VGLL3: variants seen among roughly 807,000 people sequenced by gnomAD.
The protein encoded by VGLL3 is transcription cofactor vestigial-like protein 3.
A neutral mutation model predicts 29.2 loss-of-function variants in VGLL3; 18 were observed. That is an observed-to-expected ratio of 0.62 (90% CI 0.43 to 0.91). VGLL3 has a LOEUF of 0.91. Ranked by LOEUF, VGLL3 falls within the 40% of genes least tolerant of loss-of-function variation. The pLI, the probability that VGLL3 is intolerant of heterozygous loss-of-function variation, is 0.00. For missense variants in VGLL3, 440 were observed against 413.2 expected (o/e 1.06, Z -0.56); for synonymous variants, 180 against 151.8 (o/e 1.19, Z -1.36).
At chr3:86,976,618 T>C (rs1280993662) in intron 2 of VGLL3, among the ~76,000 whole-genome samples, 3 of 152,238 alleles carry the variant, frequency 2.0e-5, no homozygotes, top group Admixed American at 2.0e-4. Context: ...CAGTTTAACA[T>C]CTGCTAAAGG....
At chr3:86,983,369 C>T (rs1188289731) in intron 1 of VGLL3, among the ~76,000 whole-genome samples, 1 of 152,038 alleles carries the variant, frequency 6.6e-6, no homozygotes, top group East Asian at 1.9e-4. Context: ...ACTCTGTGAC[C>T]ATATATATTT....
intron 3 of VGLL3, among the ~76,000 whole-genome samples, chr3:86,965,513 G>A (rs919760302): frequency 6.6e-6 from 1 of 152,158 alleles, no homozygotes; most frequent in African/African-American, 2.4e-5. Flanking sequence ...TTTAAAAGGA[G>A]TTGGAAAAGT....
intron 3 of VGLL3, among the ~76,000 whole-genome samples, chr3:86,957,489 C>A (rs912047576): frequency 6.6e-6 from 1 of 152,150 alleles, no homozygotes; most frequent in Admixed American, 6.6e-5. Flanking sequence ...TCATGTATCA[C>A]CGTCTAGAAA....
In VGLL3 at chr3:86,940,310, T is replaced by C. The variant is rs1237250814; in HGVS notation, c.*6714A>G. On this transcript the variant is annotated 3_prime_UTR_variant, in exon 4 of 4. Coordinates refer to ENST00000398399, the MANE Select transcript of VGLL3 (RefSeq NM_016206.4). ...ATGGCAGAGTCCCTGTCAACAAATG[T>C]AAAAACAATAAAATACACCTTGGTC... The C allele has an allele frequency of 1.3e-5, 2 of 152,578 alleles. No homozygotes were observed. Among genetic ancestry groups the C allele is most frequent in the Admixed American group, 1.3e-4 (2 of 15,278 alleles). The allele number at this position is 152,578 out of a possible 1,614,324, so 9.5% of individuals were successfully genotyped here.
At chr3:86,951,165 A>G (rs190774080) in intron 3 of VGLL3, among the ~76,000 whole-genome samples, 269 of 152,340 alleles carry the variant, frequency 1.8e-3, no homozygotes, top group Non-Finnish European at 3.2e-3. Flanking sequence ...GTAAGTGAGA[A>G]GTCTTGGTCA....
intron 3 of VGLL3, among the ~76,000 whole-genome samples, chr3:86,966,769 GTGTGTATA>G (rs1390008002): frequency 7.6e-5 from 5 of 65,808 alleles, no homozygotes; most frequent in African/African-American, 2.7e-4. Flanking sequence ...AATAGTGTGT[GTGTGTATA>G]TATATATATA....
intron 1 of VGLL3, among the ~76,000 whole-genome samples, chr3:86,985,529 C>A (rs56781488): frequency 0.088 from 13,313 of 152,144 alleles, 1,576 homozygotes; most frequent in African/African-American, 0.27. Flanking sequence ...AAATTACTGG[C>A]GTAAATCTGG....
At position 86,967,026 on chromosome 3, in the gene VGLL3, G is replaced by A. The variant is rs1704980023; in HGVS notation, c.937+1564C>T. Among the ~76,000 whole-genome samples, 3 of 151,636 alleles carry A rather than the reference G, an allele frequency of 2.0e-5. No individual in the cohort carries two copies. In the South Asian group the frequency reaches 6.2e-4, roughly 32 times the overall value. ...ATTTCAAGCTGAAATTCTGTAACAA[G>A]TGAGTGAATCAAGCTCACACCAAAG... On this transcript the variant is annotated intron_variant, in intron 3 of 3. Coordinates refer to ENST00000398399, the MANE Select transcript of VGLL3 (RefSeq NM_016206.4).
rs1290308604 is a variant in VGLL3, at chr3:86,939,095, CA to C, written c.*7928del. The C allele has an allele frequency of 6.6e-6, 1 of 152,172 alleles. No homozygotes were observed. Among genetic ancestry groups the C allele is most frequent in the African/African-American group, 2.4e-5 (1 of 41,426 alleles). The allele number at this position is 152,172 out of a possible 1,614,324, so 9.4% of individuals were successfully genotyped here. On this transcript the variant is annotated 3_prime_UTR_variant, in exon 4 of 4. Coordinates refer to ENST00000398399, the MANE Select transcript of VGLL3 (RefSeq NM_016206.4). The stretch of plus-strand genomic sequence containing the variant: ...CTACATGAAACATTTGAAATAGTGA[CA>C]GGAATTTTCTTTACATGCAATTATT...
rs1202561149 is a variant in VGLL3 at position 86,941,640 on chromosome 3, C to A, written c.*5384G>T. On this transcript the variant is annotated 3_prime_UTR_variant, in exon 4 of 4. Coordinates refer to ENST00000398399, the MANE Select transcript of VGLL3 (RefSeq NM_016206.4). ...AACTTCAAGAGAATACTACTTTGAC[C>A]AATACTTTAAAACTATAAAAGTATT... 1 of 151,376 alleles carries A rather than the reference C, an allele frequency of 6.6e-6. No individual in the cohort carries two copies. The highest frequency in any genetic ancestry group is 1.5e-5 in the Non-Finnish European group (1 of 67,820). The allele number at this position is 151,376 out of a possible 1,614,324, so 9.4% of individuals were successfully genotyped here.
At chr3:86,963,104 A>G in intron 3 of VGLL3, 1 of 172,872 alleles carries the variant, frequency 5.8e-6, no homozygotes, top group Non-Finnish European at 1.3e-5. Context: ...TCAAAACAAA[A>G]CAAAACAAAA....
intron 3 of VGLL3, among the ~76,000 whole-genome samples, chr3:86,955,242 T>C (rs950019877): frequency 6.6e-6 from 1 of 152,236 alleles, no homozygotes; most frequent in African/African-American, 2.4e-5. Flanking sequence ...ACTTGCATTT[T>C]AATGCCTATT....
At chr3:86,964,370 C>G (rs1704916905) in intron 3 of VGLL3, among the ~76,000 whole-genome samples, 1 of 152,188 alleles carries the variant, frequency 6.6e-6, no homozygotes, top group Non-Finnish European at 1.5e-5. Flanking sequence ...TATTATAAAA[C>G]TTTCGTTTGT....
rs1401063627 is a variant in VGLL3, at chr3:86,945,593, C to G, written c.*1431G>C. ...TTTCATAATCTTAATCTTCTCCTAG[C>G]AGTGTCTTAATGATAATTTAAACTT... On this transcript the variant is annotated 3_prime_UTR_variant, in exon 4 of 4. Coordinates refer to ENST00000398399, the MANE Select transcript of VGLL3 (RefSeq NM_016206.4). The G allele has an allele frequency of 6.6e-6, 1 of 152,118 alleles. No homozygotes were observed. The highest frequency in any genetic ancestry group is 1.9e-4 in the East Asian group (1 of 5,184). The allele number at this position is 152,118 out of a possible 1,614,324, so 9.4% of individuals were successfully genotyped here.
chr3:86,979,686 G>A (rs1274021720), intron 1 of VGLL3, among the ~76,000 whole-genome samples: 1 of 151,996 alleles, frequency 6.6e-6, no homozygotes, highest in East Asian at 1.9e-4. Flanking sequence ...CTAAAGCACA[G>A]AAAAATTAAG....
intron 1 of VGLL3, among the ~76,000 whole-genome samples, chr3:86,982,729 G>A (rs78353482): frequency 0.017 from 2,521 of 152,086 alleles, 78 homozygotes; most frequent in African/African-American, 0.057. Context: ...TTTCTTCGAA[G>A]ACCCTGCAGA....
chr3:86,964,432 T>G (rs916962235), intron 3 of VGLL3, among the ~76,000 whole-genome samples: 2 of 152,222 alleles, frequency 1.3e-5, no homozygotes, highest in African/African-American at 4.8e-5. Context: ...TTTTCTTAAT[T>G]TCTTCAAGTA....
intron 3 of VGLL3, among the ~76,000 whole-genome samples, chr3:86,957,613 C>A (rs991994569): frequency 2.0e-5 from 3 of 152,086 alleles, no homozygotes; most frequent in African/African-American, 7.2e-5. Flanking sequence ...CGTAATGCAG[C>A]TAATAAGTGG....
chr3:86,966,068 C>T (rs1704951958), intron 3 of VGLL3, among the ~76,000 whole-genome samples: 1 of 152,022 alleles, frequency 6.6e-6, no homozygotes. Context: ...TGGCTCAGCC[C>T]CTCCCACTGT....
Sources: gnomAD v4.1 joint callset for allele counts (sites outside exome capture counted in the v4.1 genomes callset) on GRCh38, gnomAD v4.1.1 for gene constraint, MANE v1.5 for transcripts, NCBI Gene and HGNC (gene_info 2026-07-23, HGNC 2026-07-21) for gene names.